The following ADAMTS6 variants were observed in gnomAD, a reference collection of about 807,000 sequenced individuals.
ADAMTS6 encodes the protein ADAM metallopeptidase with thrombospondin type 1 motif 6.
In ADAMTS6, 23 loss-of-function variants were observed where a neutral mutation model predicts 144.3. That is an observed-to-expected ratio of 0.16 (90% CI 0.11 to 0.23). The LOEUF (loss-of-function observed/expected upper bound fraction) is 0.23, where lower values mean the gene tolerates loss of function less well. Among genes scored for constraint, ADAMTS6 ranks in the 10% least tolerant of loss-of-function variants. The probability of loss-of-function intolerance (pLI) is 1.00; values close to 1 mark genes in which losing one functional copy is unlikely to be tolerated. For missense variants in ADAMTS6, 999 were observed against 1,379.6 expected (o/e 0.72, Z 4.37); for synonymous variants, 444 against 457.5 (o/e 0.97, Z 0.38).
chr5:65,480,658 ACT>A (rs1761138213), intron 1 of ADAMTS6, among the ~76,000 whole-genome samples: 2 of 151,894 alleles, frequency 1.3e-5, no homozygotes, highest in African/African-American at 4.8e-5. Flanking sequence ...CCATTCCTGC[ACT>A]CTCACTCTCC....
At chr5:65,201,589 TG>T (rs1755742097) in intron 20 of ADAMTS6, among the ~76,000 whole-genome samples, 1 of 152,250 alleles carries the variant, frequency 6.6e-6, no homozygotes, top group Non-Finnish European at 1.5e-5. Flanking sequence ...ATCATTTCAG[TG>T]ATAGACCATG....
chr5:65,291,868 A>G (rs1742341199), intron 10 of ADAMTS6, among the ~76,000 whole-genome samples: 1 of 152,200 alleles, frequency 6.6e-6, no homozygotes, highest in Non-Finnish European at 1.5e-5. Context: ...AATTATGGTT[A>G]TAATCCTTAA....
chr5:65,350,912 T>C (rs1206728128), intron 7 of ADAMTS6, among the ~76,000 whole-genome samples: 1 of 152,206 alleles, frequency 6.6e-6, no homozygotes, highest in Non-Finnish European at 1.5e-5. Flanking sequence ...CCTCCCAAAG[T>C]GCTGGGATTA....
intron 24 of ADAMTS6, among the ~76,000 whole-genome samples, chr5:65,163,118 C>A (rs1193044306): frequency 6.6e-6 from 1 of 152,148 alleles, no homozygotes; most frequent in Non-Finnish European, 1.5e-5. Context: ...CTATGCTGCC[C>A]AGCATGGTCT....
At chr5:65,375,540 A>G (rs527565721) in intron 7 of ADAMTS6, among the ~76,000 whole-genome samples, 59 of 152,180 alleles carry the variant, frequency 3.9e-4, no homozygotes, top group African/African-American at 1.3e-3. Context: ...TCAGAGAAAT[A>G]CAAATCAAAA....
Position 65,319,531 on chromosome 5 carries a change from AT to A in ADAMTS6, c.1223+9846del, listed in dbSNP as rs1243255822. 7.2e-3 allele frequency among the ~76,000 whole-genome samples: 1,067 copies of A among 148,930 alleles called. 11 individuals carry two copies. Among genetic ancestry groups the A allele is most frequent in the African/African-American group, 0.025 (1,006 of 40,596 alleles). ...CCCATATCTACCAAAAAAAAAAAAA[AT>A]TTATATATATATGCAAAAATACAAG... On this transcript the variant is annotated intron_variant, in intron 9 of 24. Coordinates refer to ENST00000381055, the MANE Select transcript of ADAMTS6 (RefSeq NM_197941.4).
At chr5:65,211,865 C>T (rs1479313545) in intron 20 of ADAMTS6, among the ~76,000 whole-genome samples, 1 of 152,158 alleles carries the variant, frequency 6.6e-6, no homozygotes, top group Non-Finnish European at 1.5e-5. Flanking sequence ...CCATTGGCCT[C>T]ATTAAGGTGC....
intron 5 of ADAMTS6, 59 bp from the exon 6 acceptor site, chr5:65,452,275 T>G: frequency 1.3e-6 from 2 of 1,528,334 alleles, no homozygotes. Context: ...GGGTGATAGT[T>G]TGGTTTTTTA....
At position 65,431,780 on chromosome 5, in the gene ADAMTS6, T is replaced by C. The variant is rs1471430227; in HGVS notation, c.1073+19695A>G. Reference sequence around the variant, plus strand: ...GAGGGAAAAATTGGGAATTTGGTTTTGGACATATTAAGGTTGAGATGCATG... The same window carrying C: ...GAGGGAAAAATTGGGAATTTGGTTTCGGACATATTAAGGTTGAGATGCATG... On this transcript the variant is annotated intron_variant, in intron 7 of 24. Transcript: ENST00000381055. 2.6e-5 allele frequency among the ~76,000 whole-genome samples: 4 copies of C among 152,198 alleles called. 1 individual carries two copies. The highest frequency in any genetic ancestry group is 3.4e-3 in the Middle Eastern group (1 of 294).
intron 24 of ADAMTS6, among the ~76,000 whole-genome samples, chr5:65,167,307 C>A (rs1753234133): frequency 6.6e-6 from 1 of 152,196 alleles, no homozygotes; most frequent in Non-Finnish European, 1.5e-5. Context: ...TTCCTCGACA[C>A]ATACACCCTC....
intron 7 of ADAMTS6, among the ~76,000 whole-genome samples, chr5:65,414,562 G>T (rs1482894372): frequency 2.0e-5 from 3 of 152,102 alleles, no homozygotes; most frequent in Non-Finnish European, 4.4e-5. Flanking sequence ...AGTGACAAAA[G>T]TGCTGTAAGA....
chr5:65,321,040 A>C (rs941605190), intron 9 of ADAMTS6, among the ~76,000 whole-genome samples: 1 of 152,174 alleles, frequency 6.6e-6, no homozygotes, highest in Non-Finnish European at 1.5e-5. Context: ...TAATGGAGTG[A>C]TTTATATTCC....
chr5:65,179,955 C>T (rs983701397), intron 22 of ADAMTS6, among the ~76,000 whole-genome samples: 3 of 85,158 alleles, frequency 3.5e-5, no homozygotes, highest in South Asian at 2.9e-4. Context: ...TGTGCACGCA[C>T]GCGCACACAC....
In ADAMTS6 at chr5:65,470,833, T is replaced by C. The variant is rs752976664; in HGVS notation, c.407A>G (p.Tyr136Cys). 1.6e-5 allele frequency: 26 copies of C among 1,609,624 alleles called. No individual in the cohort carries two copies. Among genetic ancestry groups the C allele is most frequent in the Non-Finnish European group, 2.2e-5 (26 of 1,178,762 alleles). Residue 136 changes from tyrosine (Y) to cysteine (C), a missense_variant, in exon 3 of 25, where the codon TAT becomes TGT. Physicochemically the swap from Tyr to Cys is radical, Grantham distance 194. Around this residue, in one of 3 missense-constraint regions of ADAMTS6, gnomAD observed 252 missense variants for 293.7 expected, o/e 0.86. Coordinates refer to ENST00000381055, the MANE Select transcript of ADAMTS6 (RefSeq NM_197941.4). Reference protein sequence around the residue: ...DFLDNCHYTGYLQDQRSTTKV... With the variant: ...DFLDNCHYTGCLQDQRSTTKV... The stretch of plus-strand genomic sequence containing the variant: ...AGTTGTACTACGTTGATCTTGCAAA[T>C]ATCCTGTGTAATGACAGTTGTCTAA...
intron 23 of ADAMTS6, 24 bp downstream of exon 23, chr5:65,172,808 G>A (rs1483557003): frequency 8.1e-6 from 13 of 1,605,146 alleles, no homozygotes; most frequent in Non-Finnish European, 9.3e-6. Context: ...ATTTCAGCAG[G>A]AGCCCACAGT....
At chr5:65,343,672 C>A (rs1418078881) in intron 7 of ADAMTS6, among the ~76,000 whole-genome samples, 1 of 151,922 alleles carries the variant, frequency 6.6e-6, no homozygotes, top group East Asian at 1.9e-4. Context: ...AAAGCACAGG[C>A]CACAAAAGCA....
At chr5:65,278,396 G>T (rs1334141436) in intron 11 of ADAMTS6, among the ~76,000 whole-genome samples, 1 of 152,162 alleles carries the variant, frequency 6.6e-6, no homozygotes, top group Non-Finnish European at 1.5e-5. Flanking sequence ...AACTCTTTAA[G>T]GAATCTCCTT....
At chr5:65,378,946 C>T (rs1751798900) in intron 7 of ADAMTS6, among the ~76,000 whole-genome samples, 3 of 151,930 alleles carry the variant, frequency 2.0e-5, no homozygotes, top group Admixed American at 2.0e-4. Context: ...AAAAAGGAAT[C>T]TCAAGAGAAT....
At chr5:65,171,159 G>C (rs531142057) in intron 23 of ADAMTS6, among the ~76,000 whole-genome samples, 1 of 151,852 alleles carries the variant, frequency 6.6e-6, no homozygotes. Context: ...ACAGGCACCC[G>C]CCACCACATC....
Sources: gnomAD v4.1 joint callset for allele counts (sites outside exome capture counted in the v4.1 genomes callset) on GRCh38, gnomAD v4.1.1 for gene constraint, gnomAD v4.1.1 regional missense constraint, MANE v1.5 for transcripts, NCBI Gene and HGNC (gene_info 2026-07-23, HGNC 2026-07-21) for gene names.